Variants in LRRTM4 observed in about 807,000 individuals in gnomAD.
The protein encoded by LRRTM4 is leucine rich repeat transmembrane neuronal 4.
In LRRTM4, 25 loss-of-function variants were observed where a neutral mutation model predicts 47.6. The ratio of observed to expected loss-of-function variants is 0.53; its 90% CI spans 0.38 to 0.73. The LOEUF is 0.73. Among genes scored for constraint, LRRTM4 ranks in the 30% least tolerant of loss-of-function variants. The pLI is 0.00. For missense variants in LRRTM4, 638 were observed against 713.4 expected (o/e 0.89, Z 1.20); for synonymous variants, 311 against 269.5 (o/e 1.15, Z -1.51).
At chr2:77,179,848 A>G (rs942044470) in intron 3 of LRRTM4, among the ~76,000 whole-genome samples, 19 of 152,122 alleles carry the variant, frequency 1.2e-4, no homozygotes, top group African/African-American at 4.3e-4. Flanking sequence ...TAAATCGCAA[A>G]TTTCTCTGAC....
At chr2:76,960,820 T>C (rs1388865990) in intron 3 of LRRTM4, among the ~76,000 whole-genome samples, 2 of 151,512 alleles carry the variant, frequency 1.3e-5, no homozygotes, top group Non-Finnish European at 3.0e-5. Context: ...ACCATTCTTA[T>C]AAAATTTAAA....
chr2:76,947,328 A>G (rs1675354540), intron 3 of LRRTM4, among the ~76,000 whole-genome samples: 2 of 151,968 alleles, frequency 1.3e-5, no homozygotes, highest in South Asian at 2.1e-4. Context: ...TGAGAGAGTT[A>G]AAAGCTAGAT....
At chr2:77,285,049 C>A (rs187054799) in intron 3 of LRRTM4, among the ~76,000 whole-genome samples, 2 of 151,966 alleles carry the variant, frequency 1.3e-5, no homozygotes, top group African/African-American at 4.8e-5. Flanking sequence ...TTATTCCTGG[C>A]GGTTCAGGAT....
At chr2:77,256,583 C>A (rs1472006366) in intron 3 of LRRTM4, among the ~76,000 whole-genome samples, 3 of 152,076 alleles carry the variant, frequency 2.0e-5, no homozygotes, top group Non-Finnish European at 4.4e-5. Flanking sequence ...AGGAGAGTTG[C>A]CCTACACAAG....
chr2:77,061,452 C>G (rs1044663776), intron 3 of LRRTM4, among the ~76,000 whole-genome samples: 3 of 152,044 alleles, frequency 2.0e-5, no homozygotes, highest in Admixed American at 6.6e-5. Flanking sequence ...AATTATTTCT[C>G]CATTCAGTGT....
At chr2:76,782,057 C>G (rs1314204640) in intron 3 of LRRTM4, among the ~76,000 whole-genome samples, 1 of 152,172 alleles carries the variant, frequency 6.6e-6, no homozygotes, top group Non-Finnish European at 1.5e-5. Context: ...TTTAAGTTGT[C>G]ATAGAATGAC....
At chr2:76,749,043 C>T in intron 3 of LRRTM4, 127 bp from the exon 4 acceptor site, 1 of 682,640 alleles carries the variant, frequency 1.5e-6, no homozygotes, top group East Asian at 2.7e-5. Flanking sequence ...AATTCAACTA[C>T]AAATAAACAT....
At chr2:76,975,447 CTG>C (rs1252198202) in intron 3 of LRRTM4, among the ~76,000 whole-genome samples, 2 of 151,114 alleles carry the variant, frequency 1.3e-5, no homozygotes, top group African/African-American at 2.4e-5. Context: ...TAAGGAAAAT[CTG>C]AGAATTGAGA....
At chr2:76,814,270 T>C (rs910663329) in intron 3 of LRRTM4, among the ~76,000 whole-genome samples, 2 of 152,134 alleles carry the variant, frequency 1.3e-5, no homozygotes, top group Non-Finnish European at 2.9e-5. Flanking sequence ...TTTTTACAGC[T>C]GTGAAATGTG....
At chr2:77,138,213 T>C (rs562151325) in intron 3 of LRRTM4, among the ~76,000 whole-genome samples, 5 of 152,286 alleles carry the variant, frequency 3.3e-5, no homozygotes, top group Admixed American at 6.5e-5. Context: ...ATTGACCACA[T>C]AGTTGGAAGT....
At chr2:76,803,554 A>C (rs942607102) in intron 3 of LRRTM4, among the ~76,000 whole-genome samples, 1 of 152,214 alleles carries the variant, frequency 6.6e-6, no homozygotes, top group African/African-American at 2.4e-5. Flanking sequence ...TCAAAAAATT[A>C]AATATAAAAC....
At chr2:76,790,445 A>G (rs1047872459) in intron 3 of LRRTM4, among the ~76,000 whole-genome samples, 5 of 152,126 alleles carry the variant, frequency 3.3e-5, no homozygotes, top group African/African-American at 1.2e-4. Context: ...TCAGCTTCTT[A>G]CCTTTCTAGC....
chr2:76,837,105 G>C (rs1437441951), intron 3 of LRRTM4, among the ~76,000 whole-genome samples: 1 of 152,118 alleles, frequency 6.6e-6, no homozygotes, highest in Admixed American at 6.6e-5. Flanking sequence ...TCCTGGTTTA[G>C]TCTTGGGAGA....
At chr2:76,823,842 T>G (rs1259735952) in intron 3 of LRRTM4, among the ~76,000 whole-genome samples, 29 of 151,604 alleles carry the variant, frequency 1.9e-4, no homozygotes, top group African/African-American at 6.0e-4. Context: ...ATTGTTAAAT[T>G]TAGATAAAAT....
intron 3 of LRRTM4, among the ~76,000 whole-genome samples, chr2:77,046,291 C>G (rs774276088): frequency 6.6e-6 from 1 of 151,988 alleles, no homozygotes; most frequent in Non-Finnish European, 1.5e-5. Context: ...AGATTTCACT[C>G]ATTCACACTA....
intron 3 of LRRTM4, among the ~76,000 whole-genome samples, chr2:77,141,088 G>C: frequency 6.6e-6 from 1 of 152,122 alleles, no homozygotes; most frequent in Non-Finnish European, 1.5e-5. Flanking sequence ...TCTAGAACTA[G>C]AAATACCATT....
At chr2:76,831,243 T>G (rs1349327639) in intron 3 of LRRTM4, among the ~76,000 whole-genome samples, 1 of 152,156 alleles carries the variant, frequency 6.6e-6, no homozygotes, top group Non-Finnish European at 1.5e-5. Flanking sequence ...CAAACATGTA[T>G]AGTGAATATA....
At chr2:77,165,429 A>C (rs1432986225) in intron 3 of LRRTM4, among the ~76,000 whole-genome samples, 1 of 152,226 alleles carries the variant, frequency 6.6e-6, no homozygotes, top group South Asian at 2.1e-4. Flanking sequence ...TCCAATCAGT[A>C]GAAAAAGAGG....
chr2:77,184,015 T>C (rs1024206627), intron 3 of LRRTM4, among the ~76,000 whole-genome samples: 2 of 152,050 alleles, frequency 1.3e-5, no homozygotes, highest in Non-Finnish European at 2.9e-5. Context: ...CACACCAACA[T>C]GGCATATGTA....
Sources: allele counts gnomAD v4.1 joint callset (sites outside exome capture counted in the v4.1 genomes callset), GRCh38; gene constraint gnomAD v4.1.1; transcripts MANE v1.5; gene names NCBI Gene and HGNC (gene_info 2026-07-23, HGNC 2026-07-21).